Variants in GFRA1 observed in about 807,000 individuals in gnomAD.
The protein encoded by GFRA1 is GDNF family receptor alpha 1.
In GFRA1, 16 loss-of-function variants were observed where a neutral mutation model predicts 51.6. The ratio of observed to expected loss-of-function variants is 0.31; its 90% CI spans 0.21 to 0.47. The LOEUF (loss-of-function observed/expected upper bound fraction) is 0.47, where lower values mean the gene tolerates loss of function less well. Among genes scored for constraint, GFRA1 ranks in the 20% least tolerant of loss-of-function variants. The pLI, the probability that GFRA1 is intolerant of heterozygous loss-of-function variation, is 1.00. For synonymous variants in GFRA1, 270 were observed against 241.3 expected (o/e 1.12, Z -1.10); for missense variants, 530 against 594.3 (o/e 0.89, Z 1.13).
At position 116,125,869 on chromosome 10, in the gene GFRA1, C is replaced by T. The variant is rs1957850879; in HGVS notation, c.434-312G>A. Among the ~76,000 whole-genome samples, 6 of 152,178 alleles carry T rather than the reference C, an allele frequency of 3.9e-5. No individual in the cohort carries two copies. The South Asian group carries it at 8.3e-4, about 21-fold the overall frequency. ...AGGCAACAGGAGAATAAGCTTCCAG[C>T]CCCTGGTTAGTAAACTGAAATTAGG... is the stretch of plus-strand genomic sequence containing the variant. On this transcript the variant is annotated intron_variant, in intron 5 of 10. Transcript: ENST00000355422.
At chr10:116,121,863 G>A (rs1488927424) in intron 6 of GFRA1, among the ~76,000 whole-genome samples, 3 of 152,162 alleles carry the variant, frequency 2.0e-5, no homozygotes, top group Non-Finnish European at 2.9e-5. Context: ...GCTACTCTGG[G>A]TAGAACAACA....
At chr10:116,147,074 G>A (rs1958833697) in intron 5 of GFRA1, among the ~76,000 whole-genome samples, 1 of 151,980 alleles carries the variant, frequency 6.6e-6, no homozygotes, top group Non-Finnish European at 1.5e-5. Flanking sequence ...ATGCAAATAT[G>A]TCAAAATGTT....
At chr10:116,113,964 G>A (rs67861661) in intron 6 of GFRA1, among the ~76,000 whole-genome samples, 18,956 of 152,086 alleles carry the variant, frequency 0.12, 1,444 homozygotes, top group East Asian at 0.21. Context: ...CCATGTCCCC[G>A]GCTCTGTGCA....
chr10:116,223,971 C>T (rs955371379), intron 4 of GFRA1, among the ~76,000 whole-genome samples: 1 of 152,174 alleles, frequency 6.6e-6, no homozygotes, highest in Non-Finnish European at 1.5e-5. Flanking sequence ...ACAGTTGACA[C>T]AGCATTCCTT....
intron 6 of GFRA1, among the ~76,000 whole-genome samples, chr10:116,107,443 T>A (rs370777180): frequency 1.4e-4 from 22 of 152,232 alleles, no homozygotes; most frequent in Non-Finnish European, 2.9e-5. Flanking sequence ...TTTAAGGTCT[T>A]CATGTGTTCA....
intron 6 of GFRA1, among the ~76,000 whole-genome samples, chr10:116,104,167 T>G (rs539224245): frequency 6.6e-6 from 1 of 152,324 alleles, no homozygotes; most frequent in South Asian, 2.1e-4. Flanking sequence ...CCAACTGATG[T>G]GCGTATGGCA....
chr10:116,131,643 A>G (rs1374556932), intron 5 of GFRA1, among the ~76,000 whole-genome samples: 1 of 152,132 alleles, frequency 6.6e-6, no homozygotes, highest in Non-Finnish European at 1.5e-5. Flanking sequence ...TAAATAAAAG[A>G]CTACACACAG....
At chr10:116,086,649 G>C (rs1051893092) in intron 9 of GFRA1, among the ~76,000 whole-genome samples, 12 of 152,268 alleles carry the variant, frequency 7.9e-5, no homozygotes, top group East Asian at 1.9e-4. Flanking sequence ...AGGGCTCCCT[G>C]GGAGTCAAAT....
At chr10:116,172,505 A>T (rs1392306425) in intron 5 of GFRA1, among the ~76,000 whole-genome samples, 1 of 152,154 alleles carries the variant, frequency 6.6e-6, no homozygotes, top group Non-Finnish European at 1.5e-5. Context: ...TTCAGTGGGA[A>T]TAGGGGATGC....
chr10:116,148,365 T>C (rs941910648), intron 5 of GFRA1, among the ~76,000 whole-genome samples: 3 of 152,042 alleles, frequency 2.0e-5, no homozygotes. Flanking sequence ...TGTGCAGTGA[T>C]TGAGGGTGAA....
chr10:116,109,050 T>C (rs1454261205), intron 6 of GFRA1, among the ~76,000 whole-genome samples: 1 of 152,180 alleles, frequency 6.6e-6, no homozygotes, highest in African/African-American at 2.4e-5. Context: ...TCCAACTACA[T>C]TCACATAGAA....
chr10:116,064,921 G>A (rs773737549), intron 10 of GFRA1, among the ~76,000 whole-genome samples: 5 of 152,166 alleles, frequency 3.3e-5, no homozygotes, highest in African/African-American at 7.2e-5. Flanking sequence ...GCCTCTCCCT[G>A]CATGAGCCAG....
At chr10:116,065,191 T>A (rs1955043426) in intron 10 of GFRA1, among the ~76,000 whole-genome samples, 1 of 152,182 alleles carries the variant, frequency 6.6e-6, no homozygotes, top group Non-Finnish European at 1.5e-5. Flanking sequence ...ATGTATCTGC[T>A]CTAATCTACC....
At chr10:116,150,542 C>A (rs12249983) in intron 5 of GFRA1, among the ~76,000 whole-genome samples, 1 of 152,162 alleles carries the variant, frequency 6.6e-6, no homozygotes, top group Admixed American at 6.5e-5. Context: ...CCTGTCTGCC[C>A]CAAGAATATT....
chr10:116,242,890 C>A (rs894541202), intron 4 of GFRA1, among the ~76,000 whole-genome samples: 9 of 152,094 alleles, frequency 5.9e-5, no homozygotes. Context: ...TTAAGGTGTA[C>A]AACATGATGT....
At chr10:116,202,958 G>T (rs1964455230) in intron 5 of GFRA1, among the ~76,000 whole-genome samples, 1 of 152,154 alleles carries the variant, frequency 6.6e-6, no homozygotes, top group South Asian at 2.1e-4. Flanking sequence ...TCCATCCAAA[G>T]GCATAGGGGC....
intron 5 of GFRA1, among the ~76,000 whole-genome samples, chr10:116,155,803 G>C (rs1959188269): frequency 6.6e-6 from 1 of 152,138 alleles, no homozygotes; most frequent in Non-Finnish European, 1.5e-5. Context: ...GGAGCCACAG[G>C]CAGTGCCAGA....
intron 5 of GFRA1, among the ~76,000 whole-genome samples, chr10:116,160,215 C>T (rs974467904): frequency 8.5e-5 from 13 of 152,140 alleles, no homozygotes; most frequent in African/African-American, 3.1e-4. Context: ...GAATTTATGT[C>T]TTTATGTGCC....
intron 4 of GFRA1, among the ~76,000 whole-genome samples, chr10:116,231,129 A>G (rs1020177187): frequency 6.6e-6 from 1 of 152,230 alleles, no homozygotes; most frequent in Non-Finnish European, 1.5e-5. Context: ...CAGAGAAGTG[A>G]AATGTTCACA....
Sources: gnomAD v4.1 joint callset for allele counts (sites outside exome capture counted in the v4.1 genomes callset) on GRCh38, gnomAD v4.1.1 for gene constraint, MANE v1.5 for transcripts, NCBI Gene and HGNC (gene_info 2026-07-23, HGNC 2026-07-21) for gene names.